LOXL2: variants seen among roughly 807,000 people sequenced by gnomAD.
LOXL2 encodes lysyl oxidase homolog 2.
A neutral mutation model predicts 93.0 loss-of-function variants in LOXL2; 70 were observed. The ratio of observed to expected loss-of-function variants is 0.75; its 90% CI spans 0.62 to 0.92. The LOEUF is 0.92. Ranked by LOEUF, LOXL2 falls within the 40% of genes least tolerant of loss-of-function variation. The pLI, the probability that LOXL2 is intolerant of heterozygous loss-of-function variation, is 0.00. For synonymous variants in LOXL2, 438 were observed against 413.2 expected (o/e 1.06, Z -0.73); for missense variants, 973 against 1,054.9 (o/e 0.92, Z 1.08).
chr8:23,383,333 GTGTA>G (rs1275514190), intron 1 of LOXL2, among the ~76,000 whole-genome samples: 1 of 152,110 alleles, frequency 6.6e-6, no homozygotes, highest in Non-Finnish European at 1.5e-5. Flanking sequence ...GTGTGTGTGT[GTGTA>G]TGATGGTTAA....
intron 1 of LOXL2, among the ~76,000 whole-genome samples, chr8:23,396,078 C>T (rs149803547): frequency 1.6e-4 from 24 of 152,258 alleles, no homozygotes; most frequent in Admixed American, 1.1e-3. Context: ...AATTCCAGCA[C>T]TTTGGGAGGC....
intron 1 of LOXL2, among the ~76,000 whole-genome samples, chr8:23,392,721 C>A (rs1362176158): frequency 6.6e-6 from 1 of 152,160 alleles, no homozygotes; most frequent in Non-Finnish European, 1.5e-5. Flanking sequence ...CCCCCCTGCC[C>A]TTGGACTTGC....
intron 6 of LOXL2, among the ~76,000 whole-genome samples, chr8:23,325,357 T>C (rs928528515): frequency 1.3e-5 from 2 of 152,176 alleles, no homozygotes; most frequent in African/African-American, 4.8e-5. Context: ...AGTGACATGA[T>C]CATGGTTCAC....
intron 4 of LOXL2, chr8:23,337,383 T>C (rs568541944): frequency 6.6e-6 from 1 of 152,354 alleles, no homozygotes; most frequent in East Asian, 1.9e-4. Flanking sequence ...GCTCCTTTCA[T>C]ATATTTACTT....
At chr8:23,326,446 C>T (rs1585350887) in intron 6 of LOXL2, among the ~76,000 whole-genome samples, 3 of 152,276 alleles carry the variant, frequency 2.0e-5, no homozygotes, top group Admixed American at 2.0e-4. Flanking sequence ...CAGTAAATGA[C>T]TGCAGGGATA....
rs1803171209 is a variant in LOXL2 at position 23,303,333 on chromosome 8, C to T, written c.1945G>A (p.Ala649Thr). ...DLLNLNGTKV[A>T]EGHKASFCLE... is the part of the protein sequence containing the mutation. ...CAGAAGCTGGCCTTGTGGCCCTCTG[C>T]CACCTTGGTGCCATTGAGGTTCAGC... is the stretch of plus-strand genomic sequence containing the variant. Residue 649 changes from alanine to threonine, a missense_variant, in exon 11 of 14, where the codon GCA (alanine) becomes ACA (threonine). By Grantham distance (58) the Ala-to-Thr change is moderately conservative. Transcript: ENST00000389131. 6 of 1,613,698 alleles carry T rather than the reference C, an allele frequency of 3.7e-6. No individual in the cohort carries two copies. Among genetic ancestry groups the T allele is most frequent in the Admixed American group, 1.7e-5 (1 of 59,982 alleles).
chr8:23,388,310 G>C (rs1477493635), intron 1 of LOXL2, among the ~76,000 whole-genome samples: 5 of 152,162 alleles, frequency 3.3e-5, no homozygotes, highest in African/African-American at 9.7e-5. Context: ...TGGGCTGGGT[G>C]CTCATGCCTG....
At chr8:23,386,058 C>A (rs376843825) in intron 1 of LOXL2, 18 of 764,832 alleles carry the variant, frequency 2.4e-5, no homozygotes, top group Middle Eastern at 4.5e-4. Flanking sequence ...AAGGAAAAAC[C>A]GAGAGACAGA....
chr8:23,311,417 A>G lies in LOXL2; in HGVS notation c.1637-1506T>C, dbSNP rs112479252. 4.3e-3 allele frequency among the ~76,000 whole-genome samples: 654 copies of G among 152,356 alleles called. 7 individuals carry two copies. The highest frequency in any genetic ancestry group is 0.015 in the African/African-American group (615 of 41,588). ...CTACGCCAGGATGCAGCATTGCCCT[A>G]CACCGAGTGTTCTGGGCACGCTTAT... On this transcript the variant is annotated intron_variant, in intron 9 of 13. Coordinates refer to ENST00000389131, the MANE Select transcript of LOXL2 (RefSeq NM_002318.3).
chr8:23,309,992 A>C, intron 9 of LOXL2, 81 bp from the exon 10 acceptor site: 2 of 1,372,866 alleles, frequency 1.5e-6, no homozygotes, highest in South Asian at 1.9e-5. Flanking sequence ...GCTGGGACAA[A>C]CCCCCTCTCC....
intron 3 of LOXL2, among the ~76,000 whole-genome samples, chr8:23,344,418 T>C (rs946298225): frequency 6.6e-6 from 1 of 152,120 alleles, no homozygotes; most frequent in Non-Finnish European, 1.5e-5. Flanking sequence ...TGTCTGTGTG[T>C]GTGCATGGTG....
chr8:23,310,769 G>T (rs925808016), intron 9 of LOXL2, among the ~76,000 whole-genome samples: 2 of 152,232 alleles, frequency 1.3e-5, no homozygotes, highest in Admixed American at 1.3e-4. Flanking sequence ...CCACAGGAGA[G>T]TTTTCCCCAG....
chr8:23,308,618 G>A (rs573955725), intron 10 of LOXL2, among the ~76,000 whole-genome samples: 8 of 152,326 alleles, frequency 5.3e-5, no homozygotes, highest in African/African-American at 1.9e-4. Flanking sequence ...GAGACAGCAG[G>A]CTCTGGATTA....
At chr8:23,388,445 A>T (rs530700562) in intron 1 of LOXL2, among the ~76,000 whole-genome samples, 2 of 151,996 alleles carry the variant, frequency 1.3e-5, no homozygotes, top group African/African-American at 2.4e-5. Flanking sequence ...TTGGCTGGGC[A>T]TGGTAGCAAA....
intron 3 of LOXL2, 148 bp from the exon 4 acceptor site, chr8:23,341,351 C>A (rs1265697743): frequency 4.5e-6 from 3 of 666,380 alleles, no homozygotes; most frequent in African/African-American, 1.8e-5. Context: ...CTCTGGGCAA[C>A]CCCGAGGGGC....
chr8:23,402,828 T>G (rs910534814), intron 1 of LOXL2: 2 of 152,062 alleles, frequency 1.3e-5, no homozygotes, highest in Admixed American at 1.3e-4. Flanking sequence ...TTCAAGATCT[T>G]AGGGACGAAA....
chr8:23,313,431 A>G (rs1228758095), intron 9 of LOXL2, among the ~76,000 whole-genome samples: 1 of 152,108 alleles, frequency 6.6e-6, no homozygotes, highest in African/African-American at 2.4e-5. Flanking sequence ...ACAGCATGGT[A>G]CTGGTACCAA....
chr8:23,395,998 T>C (rs972913209), intron 1 of LOXL2, among the ~76,000 whole-genome samples: 20 of 152,054 alleles, frequency 1.3e-4, no homozygotes, highest in Non-Finnish European at 2.9e-4. Flanking sequence ...ACACATAAAC[T>C]CTTAGAGTCA....
chr8:23,316,990 T>C lies in LOXL2; in HGVS notation c.1595A>G (p.Gln532Arg). ...RHDGEDVACP[Q>R]GGVQYGAGVA... ...TCCGGCCCCGTACTGCACTCCGCCC[T>C]GGGGGCAGGCCACGTCCTCCCCGTC... Residue 532 changes from glutamine to arginine, a missense_variant, in exon 9 of 14, where the codon CAG becomes CGG. Gln to Arg is a conservative substitution (Grantham distance 43). Transcript: ENST00000389131. 1 of 1,613,874 alleles carries C rather than the reference T, an allele frequency of 6.2e-7. No individual in the cohort carries two copies. Among genetic ancestry groups the C allele is most frequent in the Middle Eastern group, 1.6e-4 (1 of 6,062 alleles).
Sources: allele counts gnomAD v4.1 joint callset (sites outside exome capture counted in the v4.1 genomes callset), GRCh38; gene constraint gnomAD v4.1.1; transcripts MANE v1.5; gene names NCBI Gene and HGNC (gene_info 2026-07-23, HGNC 2026-07-21).